The following NDUFA9 variants were observed in gnomAD, a reference collection of about 807,000 sequenced individuals.
The protein encoded by NDUFA9 is NADH:ubiquinone oxidoreductase subunit A9.
A neutral mutation model predicts 45.9 loss-of-function variants in NDUFA9; 23 were observed. The ratio of observed to expected loss-of-function variants is 0.50; its 90% confidence interval spans 0.36 to 0.71. NDUFA9 has a LOEUF of 0.71. Ranked by LOEUF, NDUFA9 falls within the 30% of genes least tolerant of loss-of-function variation. NDUFA9 has a pLI of 0.00. For missense variants in NDUFA9, 466 were observed against 488.2 expected (o/e 0.95, Z 0.43); for synonymous variants, 176 against 170.5 (o/e 1.03, Z -0.25).
At chr12:4,676,780 A>G (rs1480645009) in intron 8 of NDUFA9, among the ~76,000 whole-genome samples, 2 of 152,214 alleles carry the variant, frequency 1.3e-5, no homozygotes, top group Non-Finnish European at 2.9e-5. Context: ...GACTTTCTTC[A>G]CAGAATTGGA....
At position 4,687,065 on chromosome 12, in the gene NDUFA9, C is replaced by T; in HGVS notation, c.1091C>T (p.Ala364Val). ...CATCGCACTTACCGCTGGCTGTCTG[C>T]TGAAATTGAGGATGTGAAGCCGGCC... ...RRHRTYRWLS[A>V]EIEDVKPAKT... is the part of the protein sequence containing the mutation. The change falls in exon 11 of 11, where the codon GCT becomes GTT. Residue 364 changes from alanine (A) to valine (V), a missense_variant. Coordinates refer to ENST00000266544, the MANE Select transcript of NDUFA9 (RefSeq NM_005002.5). The T allele has an allele frequency of 6.2e-7, 1 of 1,614,168 alleles. No homozygotes were observed. The highest frequency in any genetic ancestry group is 8.5e-7 in the Non-Finnish European group (1 of 1,180,034).
Position 4,657,820 on chromosome 12 carries a change from G to A in NDUFA9, c.391G>A (p.Gly131Arg). ...QHSNVVINLI[G>R]RDWETKNFDF... ...CAGCAATGTGGTCATCAATCTTATT[G>A]GACGAGACTGGGAAACCAAGTAAGT... Residue 131 changes from glycine (G) to arginine (R), a missense_variant, in exon 4 of 11, where the codon GGA becomes AGA. Transcript: ENST00000266544. The A allele has an allele frequency of 6.2e-7, 1 of 1,613,064 alleles. No individual in the cohort carries two copies. Among genetic ancestry groups the A allele is most frequent in the East Asian group, 2.2e-5 (1 of 44,876 alleles).
intron 1 of NDUFA9, chr12:4,653,524 G>A: frequency 2.5e-6 from 1 of 405,600 alleles, no homozygotes; most frequent in South Asian, 1.9e-5. Flanking sequence ...AACTTTGAGG[G>A]TTCATTCTAG....
intron 8 of NDUFA9, among the ~76,000 whole-genome samples, chr12:4,670,673 G>T (rs1394344602): frequency 6.6e-6 from 1 of 152,146 alleles, no homozygotes; most frequent in South Asian, 2.1e-4. Context: ...TTTTTTCAGT[G>T]TGAAAGTCTT....
chr12:4,667,508 T>C, intron 6 of NDUFA9: 1 of 222,138 alleles, frequency 4.5e-6, no homozygotes, highest in Non-Finnish European at 8.8e-6. Flanking sequence ...GAATAATTTC[T>C]ACTCTTTTTT....
At chr12:4,671,477 C>T (rs892067534) in intron 8 of NDUFA9, among the ~76,000 whole-genome samples, 2 of 151,790 alleles carry the variant, frequency 1.3e-5, no homozygotes, top group African/African-American at 2.4e-5. Flanking sequence ...AATGACATAC[C>T]ATGTTCATGG....
At chr12:4,669,919 C>A (rs1372149794) in intron 8 of NDUFA9, 102 bp downstream of exon 8, 1 of 885,286 alleles carries the variant, frequency 1.1e-6, no homozygotes, top group South Asian at 1.4e-5. Flanking sequence ...TTTACAATAT[C>A]AAAATCTCCT....
At chr12:4,684,365 T>C (rs1299594803) in intron 9 of NDUFA9, among the ~76,000 whole-genome samples, 3 of 152,196 alleles carry the variant, frequency 2.0e-5, no homozygotes, top group Non-Finnish European at 2.9e-5. Flanking sequence ...ATAAAAGAGC[T>C]GGTCTGGTTG....
chr12:4,656,373 G>C (rs1375878974), intron 3 of NDUFA9, among the ~76,000 whole-genome samples: 1 of 152,166 alleles, frequency 6.6e-6, no homozygotes, highest in Non-Finnish European at 1.5e-5. Flanking sequence ...AAAAGTGATA[G>C]GTGAAAACTT....
In NDUFA9 at chr12:4,662,705, A is replaced by C. The variant is rs1177083757; in HGVS notation, c.655+70A>C. On this transcript the variant is annotated intron_variant, in intron 6 of 10. Coordinates refer to ENST00000266544, the MANE Select transcript of NDUFA9 (RefSeq NM_005002.5). ...CCAAGTTGAAGCTGCTCAAGCTAAC[A>C]GTTTTCTCTGATTGACAGACTAAGG... 1.3e-5 allele frequency: 16 copies of C among 1,233,408 alleles called. No homozygotes were observed. The African/African-American group carries it at 1.7e-4, about 13-fold the overall frequency. The allele number at this position is 1,233,408 out of a possible 1,614,324, so 76.4% of individuals were successfully genotyped here.
rs1173017088 is a variant in NDUFA9, at chr12:4,687,837, T to C, written c.*729T>C. The stretch of plus-strand genomic sequence containing the variant: ...TTGCAGCCAAGACCCAGATGAACAT[T>C]TGGTTTAGTGTTGGCAAATCCCACC... On this transcript the variant is annotated 3_prime_UTR_variant, in exon 11 of 11. Coordinates refer to ENST00000266544, the MANE Select transcript of NDUFA9 (RefSeq NM_005002.5). 2 of 152,194 alleles carry C rather than the reference T, an allele frequency of 1.3e-5. No homozygotes were observed. Among genetic ancestry groups the C allele is most frequent in the Admixed American group, 6.5e-5 (1 of 15,288 alleles). 9.4% of individuals were successfully genotyped at this position (152,194 alleles called of 1,614,324 possible). A position where few individuals can be genotyped will look rare whatever the true frequency, so the allele number is the denominator to read the frequency against.
rs919419908 is a variant in NDUFA9, at chr12:4,689,376, T to C, written c.*2268T>C. 3 of 152,270 alleles carry C rather than the reference T, an allele frequency of 2.0e-5. No homozygotes were observed. The highest frequency in any genetic ancestry group is 4.4e-5 in the Non-Finnish European group (3 of 68,210). The allele number at this position is 152,270 out of a possible 1,614,324, so 9.4% of individuals were successfully genotyped here. A position where few individuals can be genotyped will look rare whatever the true frequency, so the allele number is the denominator to read the frequency against. On this transcript the variant is annotated 3_prime_UTR_variant, in exon 11 of 11. Transcript: ENST00000266544. ...GGGATTTGGCAGGGTCATAGGACAA[T>C]AGTGGAGGGAAGGTCAGCAGATAAA...
rs367600327 is a variant in NDUFA9 at position 4,650,778 on chromosome 12, A to G, written c.49+1603A>G. 1.6e-4 allele frequency among the ~76,000 whole-genome samples: 24 copies of G among 152,322 alleles called. No homozygotes were observed. In the East Asian group the frequency reaches 3.5e-3, roughly 22 times the overall value. Reference sequence around the variant, plus strand: ...CACTGGTCTCTTTAGGGCTGTTATGATCTGGAAAGTCCTCTGGCAAAGACA... The same window carrying G: ...CACTGGTCTCTTTAGGGCTGTTATGGTCTGGAAAGTCCTCTGGCAAAGACA... On this transcript the variant is annotated intron_variant, in intron 1 of 10. Transcript: ENST00000266544.
At chr12:4,652,540 A>G (rs1251155600) in intron 1 of NDUFA9, among the ~76,000 whole-genome samples, 2 of 152,034 alleles carry the variant, frequency 1.3e-5, no homozygotes, top group African/African-American at 2.4e-5. Context: ...TCCTCTTCCT[A>G]CTTCACTTTC....
intron 6 of NDUFA9, chr12:4,667,512 CTTTT>C (rs11335422): frequency 3.8e-3 from 593 of 157,144 alleles, no homozygotes; most frequent in South Asian, 0.01. Context: ...AATTTCTACT[CTTTT>C]TTTTTTTTTT....
chr12:4,662,588 C>T lies in NDUFA9; in HGVS notation c.608C>T (p.Pro203Leu), dbSNP rs766697773. 1.7e-5 allele frequency: 27 copies of T among 1,613,746 alleles called. No homozygotes were observed. The highest frequency in any genetic ancestry group is 4.5e-5 in the East Asian group (2 of 44,872). ...TTTCCGGAAGCCATTATCGTAAAGCCGTCGGACATCTTTGGAAGAGAGGAT... is the reference window on the plus strand; with the variant it reads ...TTTCCGGAAGCCATTATCGTAAAGCTGTCGGACATCTTTGGAAGAGAGGAT... The part of the protein sequence containing the change: ...DAFPEAIIVK[P>L]SDIFGREDRF... Residue 203 changes from proline to leucine, a missense_variant, in exon 6 of 11, where the codon CCG becomes CTG. Coordinates refer to ENST00000266544, the MANE Select transcript of NDUFA9 (RefSeq NM_005002.5).
intron 8 of NDUFA9, among the ~76,000 whole-genome samples, chr12:4,677,366 C>T (rs1945926122): frequency 6.6e-6 from 1 of 152,140 alleles, no homozygotes; most frequent in South Asian, 2.1e-4. Flanking sequence ...GAACAGGCAA[C>T]CTACAGAATG....
chr12:4,650,131 T>C (rs1945748516), intron 1 of NDUFA9, among the ~76,000 whole-genome samples: 1 of 152,230 alleles, frequency 6.6e-6, no homozygotes, highest in Non-Finnish European at 1.5e-5. Context: ...AGTGTAGAGC[T>C]ATTGAGTCAG....
Position 4,689,689 on chromosome 12 carries a change from T to A in NDUFA9, c.*2581T>A. On this transcript the variant is annotated 3_prime_UTR_variant, in exon 11 of 11. Transcript: ENST00000266544. ...GTACAGAACAAAGTGAAGTCTCCCA[T>A]GTCTACTTCTTTCTACACAGACACA... 5.6e-6 allele frequency: 1 copy of A among 178,712 alleles called. No homozygotes were observed. Among genetic ancestry groups the A allele is most frequent in the South Asian group, 1.3e-4 (1 of 7,880 alleles). 11.1% of individuals were successfully genotyped at this position (178,712 alleles called of 1,614,324 possible).
Sources: gnomAD v4.1 joint callset for allele counts (sites outside exome capture counted in the v4.1 genomes callset) on GRCh38, gnomAD v4.1.1 for gene constraint, MANE v1.5 for transcripts, NCBI Gene and HGNC (gene_info 2026-07-23, HGNC 2026-07-21) for gene names.